PHF24: variants seen among roughly 807,000 people sequenced by gnomAD.
The protein encoded by PHF24 is PHD finger protein 24.
In PHF24, 25 loss-of-function variants were observed where a neutral mutation model predicts 42.6. That is an observed-to-expected ratio of 0.59 (90% CI 0.43 to 0.82). The LOEUF (loss-of-function observed/expected upper bound fraction) is 0.82. PHF24 is among the 40% of genes least tolerant of loss of function. PHF24 has a pLI of 0.00. For missense variants in PHF24, 470 were observed against 538.1 expected (o/e 0.87, Z 1.25); for synonymous variants, 185 against 204.8 (o/e 0.90, Z 0.83).
the PHF24 span, among the ~76,000 whole-genome samples, chr9:34,950,141 G>A: frequency 8.6e-5 from 13 of 151,846 alleles, no homozygotes; most frequent in South Asian, 2.1e-4. Flanking sequence ...TTGAGGTCAG[G>A]AGTTCGAGAC....
chr9:34,724,579 G>A, the PHF24 span: 1 of 1,540,324 alleles, frequency 6.5e-7, no homozygotes, highest in Non-Finnish European at 8.8e-7. Flanking sequence ...GTTTGGTCAA[G>A]ATATGTGTCT....
the PHF24 span, among the ~76,000 whole-genome samples, chr9:34,772,232 G>C: frequency 6.6e-6 from 1 of 152,334 alleles, no homozygotes; most frequent in Non-Finnish European, 1.5e-5. Context: ...AATGTGAGTT[G>C]TAAAAACTCT....
intron 1 of PHF24, among the ~76,000 whole-genome samples, chr9:34,965,597 CA>C (rs1826740279): frequency 6.6e-6 from 1 of 152,220 alleles, no homozygotes; most frequent in Admixed American, 6.5e-5. Flanking sequence ...AAAACCATTG[CA>C]ATGACATAGT....
chr9:34,938,434 T>C, the PHF24 span, among the ~76,000 whole-genome samples: 1 of 152,124 alleles, frequency 6.6e-6, no homozygotes, highest in Non-Finnish European at 1.5e-5. Context: ...CAAAAGCCTT[T>C]CCGGGAGAGT....
the PHF24 span, among the ~76,000 whole-genome samples, chr9:34,855,095 A>G: frequency 6.6e-6 from 1 of 151,838 alleles, no homozygotes; most frequent in Non-Finnish European, 1.5e-5. Context: ...TAGGATTATG[A>G]CCCTGGTTTT....
chr9:34,854,198 T>TTTTA, the PHF24 span, among the ~76,000 whole-genome samples: 1 of 79,554 alleles, frequency 1.3e-5, no homozygotes, highest in African/African-American at 1.1e-4. Flanking sequence ...GTCTATCTAT[T>TTTTA]TTTTTTTTTT....
At chr9:34,948,349 TATA>T in the PHF24 span, among the ~76,000 whole-genome samples, 1 of 152,194 alleles carries the variant, frequency 6.6e-6, no homozygotes, top group South Asian at 2.1e-4. Flanking sequence ...GTACAGTGTT[TATA>T]AAGTCTACAG....
chr9:34,887,649 A>G, the PHF24 span, among the ~76,000 whole-genome samples: 1 of 152,116 alleles, frequency 6.6e-6, no homozygotes, highest in African/African-American at 2.4e-5. Context: ...TTAATTTCCT[A>G]GTGATACCTT....
intron 1 of PHF24, among the ~76,000 whole-genome samples, chr9:34,965,594 T>G (rs1826740031): frequency 6.6e-6 from 1 of 152,226 alleles, no homozygotes; most frequent in South Asian, 2.1e-4. Context: ...CCCAAAACCA[T>G]TGCAATGACA....
the PHF24 span, among the ~76,000 whole-genome samples, chr9:34,890,102 A>G: frequency 6.6e-5 from 10 of 152,192 alleles, no homozygotes; most frequent in Non-Finnish European, 1.2e-4. Context: ...GTCTCTGCTC[A>G]AGGCAACCAT....
chr9:34,690,138 G>A, the PHF24 span: 1 of 1,594,340 alleles, frequency 6.3e-7, no homozygotes, highest in Non-Finnish European at 8.6e-7. Context: ...ATGGAGAAGG[G>A]GAATAAGAAG....
chr9:34,917,682 G>C, the PHF24 span: 2 of 784,484 alleles, frequency 2.5e-6, no homozygotes, highest in South Asian at 2.7e-5. Flanking sequence ...GGAGCAGACA[G>C]AACCTATGGC....
At chr9:34,911,359 A>T in the PHF24 span, among the ~76,000 whole-genome samples, 2 of 151,900 alleles carry the variant, frequency 1.3e-5, no homozygotes, top group African/African-American at 4.8e-5. Flanking sequence ...GGTTCAAGCA[A>T]TTCTCTGCCT....
the PHF24 span, among the ~76,000 whole-genome samples, chr9:34,773,732 G>A: frequency 4.6e-5 from 7 of 152,080 alleles, no homozygotes; most frequent in African/African-American, 1.7e-4. Context: ...GTCTAATTAT[G>A]AGAAAAACAT....
At chr9:34,870,350 C>T in the PHF24 span, among the ~76,000 whole-genome samples, 3 of 151,856 alleles carry the variant, frequency 2.0e-5, no homozygotes, top group Non-Finnish European at 2.9e-5. Context: ...AAGTGTGAAT[C>T]GACCCTTGTT....
the PHF24 span, chr9:34,726,303 G>A: frequency 2.9e-5 from 44 of 1,527,212 alleles, no homozygotes; most frequent in Non-Finnish European, 3.5e-5. Flanking sequence ...TCCTCCACAC[G>A]TCTTGGGAGC....
At chr9:34,784,557 T>C in the PHF24 span, among the ~76,000 whole-genome samples, 1 of 152,200 alleles carries the variant, frequency 6.6e-6, no homozygotes. Flanking sequence ...AGTCTGAAAG[T>C]GTCTGTTTTC....
the PHF24 span, chr9:34,727,875 G>A: frequency 1.4e-6 from 1 of 693,722 alleles, no homozygotes. Flanking sequence ...CTCTTCCCTG[G>A]CAACCCTCTC....
chr9:34,685,014 G>A, the PHF24 span, among the ~76,000 whole-genome samples: 1 of 152,094 alleles, frequency 6.6e-6, no homozygotes, highest in East Asian at 1.9e-4. Flanking sequence ...ACCCTGCCCT[G>A]CCTGCCCCTG....
Sources: gnomAD v4.1 joint callset for allele counts (sites outside exome capture counted in the v4.1 genomes callset) on GRCh38, gnomAD v4.1.1 for gene constraint, MANE v1.5 for transcripts, NCBI Gene and HGNC (gene_info 2026-07-23, HGNC 2026-07-21) for gene names.